Variants in ZNF521 observed in about 807,000 individuals in gnomAD.
ZNF521 encodes LYST-interacting protein 3.
In ZNF521, 14 loss-of-function variants were observed where a neutral mutation model predicts 105.5. The observed-to-expected ratio is 0.13, with a 90% CI of 0.09 to 0.21. The LOEUF is 0.21. ZNF521 is among the 10% of genes least tolerant of loss of function. The pLI, the probability that ZNF521 is intolerant of heterozygous loss-of-function variation, is 1.00. For synonymous variants in ZNF521, 635 were observed against 606.0 expected, an observed-to-expected ratio of 1.05 and a Z score of -0.70; for missense variants, 1,233 against 1,629.7, an observed-to-expected ratio of 0.76 and a Z score of 4.19.
chr18:25,217,863 A>G (rs1304183062), intron 4 of ZNF521, among the ~76,000 whole-genome samples: 1 of 152,244 alleles, frequency 6.6e-6, no homozygotes, highest in African/African-American at 2.4e-5. Context: ...GATGCTTGGG[A>G]TGGAGAGTCA....
At chr18:25,263,508 C>T (rs189341552) in intron 3 of ZNF521, among the ~76,000 whole-genome samples, 1 of 152,216 alleles carries the variant, frequency 6.6e-6, no homozygotes, top group East Asian at 1.9e-4. Context: ...CAGGTGCTTG[C>T]CACCACGCCC....
At chr18:25,335,849 C>T (rs1384589307) in intron 2 of ZNF521, among the ~76,000 whole-genome samples, 4 of 152,176 alleles carry the variant, frequency 2.6e-5, no homozygotes, top group African/African-American at 9.7e-5. Context: ...CCAAGGTCAA[C>T]CAGCGAGCGC....
At chr18:25,067,126 G>C (rs916402948) in intron 7 of ZNF521, among the ~76,000 whole-genome samples, 1 of 152,064 alleles carries the variant, frequency 6.6e-6, no homozygotes, top group Non-Finnish European at 1.5e-5. Context: ...CCATGTCTAA[G>C]TAACTGAAAA....
intron 5 of ZNF521, among the ~76,000 whole-genome samples, chr18:25,144,599 A>T (rs1326021995): frequency 6.6e-6 from 1 of 152,192 alleles, no homozygotes; most frequent in Non-Finnish European, 1.5e-5. Context: ...TGGACATTTA[A>T]AACATTCCAG....
intron 4 of ZNF521, among the ~76,000 whole-genome samples, chr18:25,213,346 T>C (rs1220583905): frequency 6.6e-6 from 1 of 151,488 alleles, no homozygotes; most frequent in Non-Finnish European, 1.5e-5. Context: ...AGTTTAGTGT[T>C]CTTTTTTGAT....
At chr18:25,120,604 CACAAACAAACAA>C (rs71167849) in intron 5 of ZNF521, among the ~76,000 whole-genome samples, 1 of 137,952 alleles carries the variant, frequency 7.2e-6, no homozygotes, top group East Asian at 2.3e-4. Context: ...AAAAAAAAAC[CACAAACAAACAA>C]ACAAACAAAC....
intron 5 of ZNF521, among the ~76,000 whole-genome samples, chr18:25,159,568 C>T (rs1248468173): frequency 1.3e-5 from 2 of 152,134 alleles, no homozygotes; most frequent in African/African-American, 2.4e-5. Flanking sequence ...ATAACGATCA[C>T]ATCTGTGGAT....
intron 3 of ZNF521, among the ~76,000 whole-genome samples, chr18:25,233,778 C>G (rs370745541): frequency 2.3e-4 from 35 of 151,290 alleles, no homozygotes; most frequent in African/African-American, 7.8e-4. Context: ...GTTGTTATCA[C>G]ATCTCCATGG....
chr18:25,235,103 A>G (rs959216281), intron 3 of ZNF521, among the ~76,000 whole-genome samples: 1 of 152,178 alleles, frequency 6.6e-6, no homozygotes, highest in Admixed American at 6.5e-5. Flanking sequence ...GTTGTGATTA[A>G]TTCATGAGTG....
chr18:25,173,807 T>A (rs2035489341), intron 5 of ZNF521, among the ~76,000 whole-genome samples: 1 of 152,204 alleles, frequency 6.6e-6, no homozygotes, highest in Non-Finnish European at 1.5e-5. Context: ...GAACATCCAC[T>A]TGAAACACTG....
intron 3 of ZNF521, among the ~76,000 whole-genome samples, chr18:25,233,880 C>T (rs1906702468): frequency 6.6e-6 from 1 of 152,142 alleles, no homozygotes; most frequent in Non-Finnish European, 1.5e-5. Context: ...GTTTTGCTTG[C>T]TGTTGCTTAA....
At chr18:25,277,084 G>T (rs1171414816) in intron 3 of ZNF521, among the ~76,000 whole-genome samples, 1 of 151,866 alleles carries the variant, frequency 6.6e-6, no homozygotes, top group East Asian at 1.9e-4. Context: ...TCAAGAGGCT[G>T]AGGCAGGACA....
chr18:25,127,868 G>A (rs2144379418), intron 5 of ZNF521, among the ~76,000 whole-genome samples: 1 of 151,994 alleles, frequency 6.6e-6, no homozygotes, highest in East Asian at 1.9e-4. Flanking sequence ...AATGGATAAT[G>A]GAAAATAGTG....
At chr18:25,195,797 G>A (rs2035892897) in intron 4 of ZNF521, among the ~76,000 whole-genome samples, 1 of 151,748 alleles carries the variant, frequency 6.6e-6, no homozygotes, top group Non-Finnish European at 1.5e-5. Context: ...ATTTAAATAT[G>A]TACCTCATCC....
At chr18:25,172,440 T>A (rs984231284) in intron 5 of ZNF521, among the ~76,000 whole-genome samples, 1 of 152,226 alleles carries the variant, frequency 6.6e-6, no homozygotes, top group African/African-American at 2.4e-5. Flanking sequence ...ATGACCTCTA[T>A]GCTTTCAAAT....
rs1568023002 is a variant in ZNF521 at position 25,227,410 on chromosome 18, C to T, written c.508G>A (p.Gly170Arg). The T allele has an allele frequency of 1.2e-6, 2 of 1,613,954 alleles. No individual in the cohort carries two copies. Among genetic ancestry groups the T allele is most frequent in the Non-Finnish European group, 1.7e-6 (2 of 1,180,024 alleles). Residue 170 changes from glycine (G) to arginine (R), a missense_variant, in exon 4 of 8, where the codon GGG becomes AGG. Around this residue, in one of 6 missense-constraint regions of ZNF521, gnomAD observed 85 missense variants for 162.2 expected, o/e 0.52. Transcript: ENST00000361524. The surrounding 1 kb of genome is among the most constrained non-coding windows in gnomAD (Gnocchi z 5.7). ...SRDRHIKLHTGDKKYHCSECD... is the reference protein window; with the variant it reads ...SRDRHIKLHTRDKKYHCSECD... The stretch of plus-strand genomic sequence containing the variant: ...TCACTGCAGTGGTACTTCTTGTCCC[C>T]GGTGTGGAGTTTTATGTGGCGATCT...
chr18:25,298,969 T>C (rs1271891636), intron 3 of ZNF521, among the ~76,000 whole-genome samples: 1 of 152,098 alleles, frequency 6.6e-6, no homozygotes, highest in Non-Finnish European at 1.5e-5. Context: ...ACCACAAACA[T>C]GGATACACCT....
intron 5 of ZNF521, among the ~76,000 whole-genome samples, chr18:25,110,731 T>A (rs914948228): frequency 4.6e-5 from 7 of 151,916 alleles, no homozygotes; most frequent in Admixed American, 3.9e-4. Flanking sequence ...CACTGTCTCC[T>A]GTATTTATTT....
chr18:25,271,459 T>C (rs1205389484), intron 3 of ZNF521, among the ~76,000 whole-genome samples: 1 of 152,020 alleles, frequency 6.6e-6, no homozygotes, highest in Non-Finnish European at 1.5e-5. Flanking sequence ...TGCATAGCCA[T>C]GACAATCCTA....
Sources: gnomAD v4.1 joint callset for allele counts (sites outside exome capture counted in the v4.1 genomes callset) on GRCh38, gnomAD v4.1.1 for gene constraint, gnomAD v4.1.1 regional missense constraint, Gnocchi (gnomAD v3.1) non-coding constraint, MANE v1.5 for transcripts, NCBI Gene and HGNC (gene_info 2026-07-23, HGNC 2026-07-21) for gene names.